The following PDE4D variants were observed in gnomAD, a reference collection of about 807,000 sequenced individuals.
PDE4D encodes the protein phosphodiesterase 4D.
Under a neutral mutation model 87.4 loss-of-function variants are expected in PDE4D, and 24 were observed. That is an observed-to-expected ratio of 0.27 (90% CI 0.20 to 0.39). The LOEUF (loss-of-function observed/expected upper bound fraction) is 0.39. Among genes scored for constraint, PDE4D ranks in the 10% least tolerant of loss-of-function variants. The pLI is 1.00. For synonymous variants in PDE4D, 384 were observed against 383.2 expected (o/e 1.00, Z -0.02); for missense variants, 714 against 1,041.0 (o/e 0.69, Z 4.32).
chr5:59,470,002 G>A (rs116827634), intron 1 of PDE4D, among the ~76,000 whole-genome samples: 4,818 of 152,198 alleles, frequency 0.032, 119 homozygotes, highest in Non-Finnish European at 0.048. Context: ...GATGTTCTCA[G>A]GGCCCACCAA....
At chr5:59,230,440 C>T (rs1426474819) in intron 1 of PDE4D, among the ~76,000 whole-genome samples, 1 of 152,164 alleles carries the variant, frequency 6.6e-6, no homozygotes, top group East Asian at 1.9e-4. Context: ...ACATTCCTGG[C>T]TATTTGGGTA....
chr5:59,136,287 A>T (rs1777068124), intron 5 of PDE4D, among the ~76,000 whole-genome samples: 1 of 152,208 alleles, frequency 6.6e-6, no homozygotes. Flanking sequence ...TAGAAATACA[A>T]GCATTTCTTG....
At chr5:60,417,911 C>A (rs1325404912) in intron 1 of PDE4D, among the ~76,000 whole-genome samples, 1 of 151,746 alleles carries the variant, frequency 6.6e-6, no homozygotes, top group East Asian at 1.9e-4. Flanking sequence ...AAAAAAAACA[C>A]TCTAAGCTAA....
intron 5 of PDE4D, among the ~76,000 whole-genome samples, chr5:59,071,546 T>G (rs1311220837): frequency 6.7e-6 from 1 of 148,750 alleles, no homozygotes; most frequent in Non-Finnish European, 1.5e-5. Context: ...TCTGAGTTGT[T>G]TTTTTTTTTT....
chr5:59,906,417 G>T (rs963252225), intron 3 of PDE4D, among the ~76,000 whole-genome samples: 6 of 152,132 alleles, frequency 3.9e-5, no homozygotes, highest in African/African-American at 1.4e-4. Flanking sequence ...ATACTGCAAT[G>T]AAACAGGGTC....
At chr5:59,489,266 AAAAAAAAAAC>A (rs992053568) in intron 1 of PDE4D, among the ~76,000 whole-genome samples, 7 of 146,946 alleles carry the variant, frequency 4.8e-5, no homozygotes, top group African/African-American at 1.7e-4. Flanking sequence ...TCCATCTCAA[AAAAAAAAAAC>A]AAAAAAAACA....
rs142965746 is a variant in PDE4D at position 60,119,093 on chromosome 5, T to C, written c.42+66464A>G. ...AAAATTATTACTACCAACAGCAAGA[T>C]AAAGTCCTTAAACCTTGTTGGTCTG... On this transcript the variant is annotated intron_variant, in intron 2 of 16. Transcript: ENST00000502484. Among the ~76,000 whole-genome samples the C allele has an allele frequency of 6.6e-5, 10 of 152,328 alleles. 1 individual carries two copies. The East Asian group carries it at 1.9e-3, about 29-fold the overall frequency.
chr5:59,875,786 A>T (rs1402558433), intron 1 of PDE4D, among the ~76,000 whole-genome samples: 1 of 152,224 alleles, frequency 6.6e-6, no homozygotes, highest in Non-Finnish European at 1.5e-5. Context: ...CCATAAAAAA[A>T]GAACAAGATC....
rs1750696075 is a variant in PDE4D at position 59,889,801 on chromosome 5, T to C, written c.455+3367A>G. Among the ~76,000 whole-genome samples, 4 of 152,232 alleles carry C rather than the reference T, an allele frequency of 2.6e-5. No individual in the cohort carries two copies. The South Asian group carries it at 8.3e-4, about 31-fold the overall frequency. The stretch of plus-strand genomic sequence containing the variant: ...TTTAAACATTTTTCATATTTCATTT[T>C]GTTCTCTTGGTAACTTAGAGACTCA... On this transcript the variant is annotated intron_variant, in intron 1 of 14. Transcript: ENST00000340635.
At position 60,461,030 on chromosome 5, in the gene PDE4D, G is replaced by A. The variant is rs559624263; in HGVS notation, c.-90+26912C>T. On this transcript the variant is annotated intron_variant, in intron 1 of 16. Transcript: ENST00000502484. ...AGGAGTTTGTAAACATACCTTTGGCGTAATTGTTTGATAATTTATTATATA... is the reference window on the plus strand; with the variant it reads ...AGGAGTTTGTAAACATACCTTTGGCATAATTGTTTGATAATTTATTATATA... Among the ~76,000 whole-genome samples, 13 of 152,010 alleles carry A rather than the reference G, an allele frequency of 8.6e-5. No homozygotes were observed. In the South Asian group the frequency reaches 1.0e-3, roughly 12 times the overall value.
chr5:60,412,531 T>A (rs1328334051), intron 1 of PDE4D, among the ~76,000 whole-genome samples: 1 of 152,176 alleles, frequency 6.6e-6, no homozygotes, highest in African/African-American at 2.4e-5. Flanking sequence ...ACAGAACTTT[T>A]TCTCAAATCA....
chr5:59,434,033 T>C (rs1421930373), intron 1 of PDE4D, among the ~76,000 whole-genome samples: 1 of 147,096 alleles, frequency 6.8e-6, no homozygotes, highest in Non-Finnish European at 1.5e-5. Flanking sequence ...TAAAGAAGTC[T>C]CATCTTTAGG....
intron 1 of PDE4D, among the ~76,000 whole-genome samples, chr5:60,374,790 C>A (rs953077368): frequency 2.0e-5 from 3 of 152,170 alleles, no homozygotes; most frequent in African/African-American, 7.2e-5. Flanking sequence ...AGGATCCAGA[C>A]TTCATTTGCT....
chr5:59,788,504 G>C (rs1370553628), intron 1 of PDE4D, among the ~76,000 whole-genome samples: 2 of 152,198 alleles, frequency 1.3e-5, no homozygotes, highest in Non-Finnish European at 2.9e-5. Context: ...TACAGTATCA[G>C]GAACAAAGTG....
chr5:59,781,419 G>T (rs547573533), intron 1 of PDE4D, among the ~76,000 whole-genome samples: 3 of 152,158 alleles, frequency 2.0e-5, no homozygotes, highest in Non-Finnish European at 4.4e-5. Context: ...ACAATTTAAT[G>T]GTTGCAGACA....
chr5:59,944,573 G>A (rs182651560), intron 3 of PDE4D, among the ~76,000 whole-genome samples: 64 of 152,046 alleles, frequency 4.2e-4, no homozygotes, highest in Admixed American at 3.1e-3. Flanking sequence ...GGGTTTCACC[G>A]TGTTAGCCAC....
intron 1 of PDE4D, among the ~76,000 whole-genome samples, chr5:59,847,474 A>T (rs1160774417): frequency 6.6e-6 from 1 of 152,072 alleles, no homozygotes; most frequent in East Asian, 1.9e-4. Context: ...CAGTTCAGGT[A>T]AGGCTACATG....
upstream of PDE4D, chr5:60,490,944 A>C (rs184533829): frequency 4.6e-5 from 7 of 152,332 alleles, no homozygotes; most frequent in Admixed American, 4.6e-4. Flanking sequence ...TCATGAGTAA[A>C]CTATAGAAAA....
chr5:59,150,036 T>C (rs1779255182), intron 5 of PDE4D, among the ~76,000 whole-genome samples: 1 of 152,162 alleles, frequency 6.6e-6, no homozygotes, highest in Non-Finnish European at 1.5e-5. Context: ...GGATTAGTCA[T>C]TATTTAGAGT....
Sources: allele counts gnomAD v4.1 joint callset (sites outside exome capture counted in the v4.1 genomes callset), GRCh38; gene constraint gnomAD v4.1.1; transcripts MANE v1.5; gene names NCBI Gene and HGNC (gene_info 2026-07-23, HGNC 2026-07-21).